Variants in TMEM232 observed in about 807,000 individuals in gnomAD.
TMEM232 encodes transmembrane protein 232.
A neutral mutation model predicts 78.8 loss-of-function variants in TMEM232; 80 were observed. The ratio of observed to expected loss-of-function variants is 1.01; its 90% CI spans 0.85 to 1.22. The LOEUF is 1.22. Among genes scored for constraint, TMEM232 ranks in the 50% most tolerant of loss-of-function variants. The probability of loss-of-function intolerance (pLI) is 0.00; values close to 1 mark genes in which losing one functional copy is unlikely to be tolerated. For synonymous variants in TMEM232, 297 were observed against 254.3 expected, an observed-to-expected ratio of 1.17 and a Z score of -1.60; for missense variants, 881 against 742.2, an observed-to-expected ratio of 1.19 and a Z score of -2.17.
At chr5:110,467,059 T>A (rs1204156094) in intron 12 of TMEM232, among the ~76,000 whole-genome samples, 4 of 152,074 alleles carry the variant, frequency 2.6e-5, no homozygotes. Flanking sequence ...ATGAAATATA[T>A]ATATTATGGT....
At chr5:110,409,309 C>T (rs982884989) in intron 2 of TMEM232, among the ~76,000 whole-genome samples, 9 of 152,102 alleles carry the variant, frequency 5.9e-5, no homozygotes, top group Admixed American at 2.6e-4. Flanking sequence ...TTCAACACAA[C>T]TTATATGGAG....
At chr5:110,687,635 A>T (rs903154431) in intron 1 of TMEM232, among the ~76,000 whole-genome samples, 22 of 152,114 alleles carry the variant, frequency 1.4e-4, no homozygotes, top group African/African-American at 5.3e-4. Flanking sequence ...GTTTTGGGAA[A>T]AAAAGGTAGT....
chr5:110,523,965 A>AAG (rs752106110), intron 12 of TMEM232, among the ~76,000 whole-genome samples: 1,346 of 10,506 alleles, frequency 0.13, 43 homozygotes, highest in African/African-American at 0.26. Context: ...AAAAAAAAAA[A>AAG]AGGGGGGGGG....
At chr5:110,397,381 A>G (rs374669253) in intron 3 of TMEM232, among the ~76,000 whole-genome samples, 2 of 152,322 alleles carry the variant, frequency 1.3e-5, no homozygotes, top group African/African-American at 2.4e-5. Context: ...AGGAAACTGT[A>G]TAAGAAATAT....
At chr5:110,546,948 G>A (rs577337783) in intron 11 of TMEM232, among the ~76,000 whole-genome samples, 4 of 149,166 alleles carry the variant, frequency 2.7e-5, no homozygotes, top group South Asian at 2.1e-4. Context: ...GTGTTGCCAC[G>A]ATACTACCAA....
chr5:110,406,271 C>T (rs35141325), intron 2 of TMEM232, among the ~76,000 whole-genome samples: 7,168 of 108,940 alleles, frequency 0.066, 324 homozygotes, highest in East Asian at 0.28. Flanking sequence ...TATATACACA[C>T]ACACACACAC....
chr5:110,441,324 T>C (rs1008476375), intron 12 of TMEM232, among the ~76,000 whole-genome samples: 5 of 152,132 alleles, frequency 3.3e-5, no homozygotes, highest in African/African-American at 4.8e-5. Flanking sequence ...TGAGAAGCAC[T>C]ACCCTAACAT....
intron 12 of TMEM232, among the ~76,000 whole-genome samples, chr5:110,444,375 C>CCCCAGTCA (rs1216653770): frequency 2.0e-5 from 3 of 152,062 alleles, no homozygotes; most frequent in Admixed American, 6.6e-5. Context: ...ACCTAAAGTC[C>CCCCAGTCA]CCCAGTCACT....
At chr5:110,446,989 T>C (rs2112797617) in intron 12 of TMEM232, among the ~76,000 whole-genome samples, 1 of 152,000 alleles carries the variant, frequency 6.6e-6, no homozygotes, top group South Asian at 2.1e-4. Context: ...TCGTACTCTT[T>C]AAATAAAAAT....
In TMEM232 at chr5:110,618,476, C is replaced by T. The variant is rs1451581455; in HGVS notation, c.855G>A (p.Val285=). 3 of 1,551,472 alleles carry T rather than the reference C, an allele frequency of 1.9e-6. No homozygotes were observed. The highest frequency in any genetic ancestry group is 2.6e-6 in the Non-Finnish European group (3 of 1,146,850). The part of the protein sequence containing the change: ...VQNNSPQLNN[V]LEHLVFHKTQ... Reference sequence around the variant, plus strand: ...TCTTATGGAAGACGAGATGTTCAAGCACGTTATTCAACTGAGGACTGTTAT... The same window carrying T: ...TCTTATGGAAGACGAGATGTTCAAGTACGTTATTCAACTGAGGACTGTTAT... Residue 285 remains valine, a synonymous_variant, in exon 8 of 14, where the codon GTG becomes GTA. Coordinates refer to ENST00000455884, the MANE Select transcript of TMEM232 (RefSeq NM_001039763.4).
At chr5:110,624,857 G>A (rs1450283150) in intron 7 of TMEM232, among the ~76,000 whole-genome samples, 2 of 152,002 alleles carry the variant, frequency 1.3e-5, no homozygotes, top group South Asian at 2.1e-4. Flanking sequence ...GTTTCAACTC[G>A]CATAATGTTA....
At chr5:110,395,439 C>G (rs995498615) in intron 3 of TMEM232, among the ~76,000 whole-genome samples, 1 of 152,070 alleles carries the variant, frequency 6.6e-6, no homozygotes, top group Non-Finnish European at 1.5e-5. Flanking sequence ...AAATTAAGCT[C>G]GATTCTTCTT....
intron 12 of TMEM232, among the ~76,000 whole-genome samples, chr5:110,506,857 T>C (rs1370558870): frequency 1.3e-5 from 2 of 152,168 alleles, no homozygotes; most frequent in East Asian, 3.8e-4. Context: ...TTCCTAAATA[T>C]GTAGTGTTCT....
At chr5:110,597,509 A>G (rs1362363585) in intron 10 of TMEM232, among the ~76,000 whole-genome samples, 1 of 152,044 alleles carries the variant, frequency 6.6e-6, no homozygotes, top group Admixed American at 6.6e-5. Flanking sequence ...ATTGGAAAAA[A>G]CTACTTTAAA....
chr5:110,556,515 G>A (rs1382275562), intron 11 of TMEM232, among the ~76,000 whole-genome samples: 1 of 151,952 alleles, frequency 6.6e-6, no homozygotes, highest in Non-Finnish European at 1.5e-5. Context: ...AGCCTCCTGA[G>A]TAGTTCAGAC....
chr5:110,412,233 C>G (rs760227681), intron 2 of TMEM232, among the ~76,000 whole-genome samples: 3 of 152,210 alleles, frequency 2.0e-5, no homozygotes, highest in South Asian at 2.1e-4. Flanking sequence ...CATTTGATGC[C>G]GAAGGCTTTG....
chr5:110,605,681 A>G (rs1407522290), intron 9 of TMEM232, among the ~76,000 whole-genome samples: 2 of 152,120 alleles, frequency 1.3e-5, no homozygotes, highest in Admixed American at 1.3e-4. Flanking sequence ...AGTGTGTGAC[A>G]CTTTCATTTA....
chr5:110,700,479 C>A (rs147251737), intron 1 of TMEM232, among the ~76,000 whole-genome samples: 1 of 152,114 alleles, frequency 6.6e-6, no homozygotes, highest in African/African-American at 2.4e-5. Flanking sequence ...CACGAACTTA[C>A]AACTCCAGCA....
chr5:110,494,503 T>A (rs1765439255), intron 12 of TMEM232, among the ~76,000 whole-genome samples: 1 of 152,070 alleles, frequency 6.6e-6, no homozygotes, highest in African/African-American at 2.4e-5. Context: ...GATGAGAGTA[T>A]AAATCAATAC....
Sources: allele counts gnomAD v4.1 joint callset (sites outside exome capture counted in the v4.1 genomes callset), GRCh38; gene constraint gnomAD v4.1.1; transcripts MANE v1.5; gene names NCBI Gene and HGNC (gene_info 2026-07-23, HGNC 2026-07-21).